The following FAM107A variants were observed in gnomAD, a reference collection of about 807,000 sequenced individuals.
FAM107A encodes actin-associated protein FAM107A.
A neutral mutation model predicts 13.7 loss-of-function variants in FAM107A; 19 were observed. The observed-to-expected ratio is 1.38, with a 90% CI of 0.97 to 2.03. The LOEUF (loss-of-function observed/expected upper bound fraction) is 2.03, where lower values mean the gene tolerates loss of function less well. FAM107A is among the 30% of genes most tolerant of loss of function. The probability of loss-of-function intolerance (pLI) is 0.00; values close to 1 mark genes in which losing one functional copy is unlikely to be tolerated. For synonymous variants in FAM107A, 82 were observed against 74.5 expected (o/e 1.10, Z -0.52); for missense variants, 203 against 184.4 (o/e 1.10, Z -0.58).
upstream of FAM107A, chr3:58,577,466 GC>G: frequency 1.0e-6 from 1 of 985,380 alleles, no homozygotes; most frequent in Non-Finnish European, 1.2e-6. The surrounding 1 kb of genome is among the most constrained non-coding windows in gnomAD (Gnocchi z 4.9). Context: ...AAGTGAGACA[GC>G]CTTTGCATTC....
chr3:58,582,600 G>A (rs181643083), upstream of FAM107A, among the ~76,000 whole-genome samples: 3 of 152,284 alleles, frequency 2.0e-5, no homozygotes, highest in Admixed American at 6.5e-5. Flanking sequence ...GTGCCAACCC[G>A]GACCACAATC....
At chr3:58,622,533 T>C (rs1485653785) in intron 1 of FAM107A, among the ~76,000 whole-genome samples, 1 of 152,178 alleles carries the variant, frequency 6.6e-6, no homozygotes, top group Non-Finnish European at 1.5e-5. Context: ...TTCCTTTCCG[T>C]CATCTTCCCT....
At chr3:58,589,145 G>A, upstream of FAM107A, 1 of 1,089,584 alleles carries the variant, frequency 9.2e-7, no homozygotes, top group Non-Finnish European at 1.3e-6. Context: ...ATGTACTTTT[G>A]TGGAGTATCT....
At chr3:58,595,652 C>T (rs1008305768) in intron 1 of FAM107A, among the ~76,000 whole-genome samples, 9 of 152,170 alleles carry the variant, frequency 5.9e-5, no homozygotes, top group African/African-American at 9.7e-5. Flanking sequence ...ACTCTCTTTT[C>T]GGACTCAGCC....
chr3:58,567,492 G>T, intron 2 of FAM107A, 128 bp from the exon 3 acceptor site: 3 of 1,059,578 alleles, frequency 2.8e-6, no homozygotes, highest in Non-Finnish European at 4.0e-6. Flanking sequence ...AGCCTTGGAG[G>T]TGGACCCATT....
At chr3:58,579,819 G>A (rs758776760), upstream of FAM107A, among the ~76,000 whole-genome samples, 10 of 152,168 alleles carry the variant, frequency 6.6e-5, no homozygotes, top group African/African-American at 9.7e-5. Context: ...GATGTTGGGC[G>A]TCATTTTCCG....
chr3:58,586,943 G>C, exon 1 of FAM107A: 6 of 1,526,522 alleles, frequency 3.9e-6, no homozygotes, highest in Non-Finnish European at 5.2e-6. Context: ...CCATGCCCCC[G>C]CGCCTCCTAC....
intron 1 of FAM107A, among the ~76,000 whole-genome samples, chr3:58,596,851 G>A (rs920395529): frequency 1.7e-4 from 26 of 152,130 alleles, no homozygotes; most frequent in African/African-American, 5.8e-4. Context: ...CTGCACCCCA[G>A]TCAATACCTA....
intron 1 of FAM107A, among the ~76,000 whole-genome samples, chr3:58,597,543 A>G (rs1006366899): frequency 1.3e-5 from 2 of 152,254 alleles, no homozygotes; most frequent in African/African-American, 4.8e-5. Flanking sequence ...CACTATGAGA[A>G]TAGGAATTGT....
At chr3:58,583,907 C>T (rs2065575716) in intron 1 of FAM107A, among the ~76,000 whole-genome samples, 1 of 152,132 alleles carries the variant, frequency 6.6e-6, no homozygotes, top group Non-Finnish European at 1.5e-5. Flanking sequence ...GTCTTGAACT[C>T]CCGGCCTCAA....
upstream of FAM107A, among the ~76,000 whole-genome samples, chr3:58,587,523 C>A (rs2065621386): frequency 6.8e-6 from 1 of 147,130 alleles, no homozygotes; most frequent in South Asian, 2.1e-4. Context: ...GTGTGTGGCC[C>A]AGAACAGAGG....
chr3:58,600,517 G>T (rs1559483610), intron 1 of FAM107A, among the ~76,000 whole-genome samples: 1 of 152,198 alleles, frequency 6.6e-6, no homozygotes, highest in African/African-American at 2.4e-5. Context: ...AGTGAATTTT[G>T]CTCAGCTCCT....
chr3:58,598,430 C>T (rs1371079965), intron 1 of FAM107A, among the ~76,000 whole-genome samples: 1 of 152,148 alleles, frequency 6.6e-6, no homozygotes, highest in Non-Finnish European at 1.5e-5. Context: ...TCATTCAGCC[C>T]CTTAGGTCTC....
chr3:58,609,812 C>T lies in FAM107A; in HGVS notation c.-70+17604G>A, dbSNP rs75349887. Among the ~76,000 whole-genome samples, 1,438 of 152,328 alleles carry T rather than the reference C, an allele frequency of 9.4e-3. 17 individuals carry two copies. Among genetic ancestry groups the T allele is most frequent in the Admixed American group, 0.02 (309 of 15,308 alleles). ...TGAGGCCATCTGTGACCTCTTCCTACAGCAGGTCTTGTACACATGGGTTGG... is the reference window on the plus strand; with the variant it reads ...TGAGGCCATCTGTGACCTCTTCCTATAGCAGGTCTTGTACACATGGGTTGG... On this transcript the variant is annotated intron_variant, in intron 1 of 3. Coordinates refer to the FAM107A transcript ENST00000465970.
At chr3:58,611,611 C>T (rs1383106192) in intron 1 of FAM107A, among the ~76,000 whole-genome samples, 3 of 152,240 alleles carry the variant, frequency 2.0e-5, no homozygotes, top group Non-Finnish European at 2.9e-5. Flanking sequence ...GGGAACCCCA[C>T]CCACTGCACT....
chr3:58,599,615 T>C (rs538297908), intron 1 of FAM107A, among the ~76,000 whole-genome samples: 1 of 151,696 alleles, frequency 6.6e-6, no homozygotes, highest in Non-Finnish European at 1.5e-5. Context: ...TGATGTTCTG[T>C]TTCTTGATCT....
chr3:58,603,289 A>T (rs988304337), intron 1 of FAM107A, among the ~76,000 whole-genome samples: 4 of 152,188 alleles, frequency 2.6e-5, no homozygotes, highest in African/African-American at 9.7e-5. Context: ...GAAGGAGGAC[A>T]ATGATGTTCG....
chr3:58,578,786 C>T (rs2063750214), upstream of FAM107A, among the ~76,000 whole-genome samples: 1 of 152,180 alleles, frequency 6.6e-6, no homozygotes, highest in Non-Finnish European at 1.5e-5. Context: ...GCCTCCACCC[C>T]AACTTTACTT....
chr3:58,567,282 CCTT>C lies in FAM107A; in HGVS notation c.250_252del (p.Lys84del), dbSNP rs752600757. The C allele has an allele frequency of 4.0e-5, 65 of 1,613,568 alleles. No individual in the cohort carries two copies. Among genetic ancestry groups the C allele is most frequent in the Admixed American group, 2.2e-4 (13 of 59,970 alleles). ...TGCAGCCGCTTGGCTTCCAGCTCCT[CCTT>C]CTTCTTCTTGATGAGCTGGTTCCGC... On this transcript the variant is annotated inframe_deletion, in exon 3 of 4. Coordinates refer to ENST00000360997, the MANE Select transcript of FAM107A (RefSeq NM_001076778.3).
Sources: gnomAD v4.1 joint callset for allele counts (sites outside exome capture counted in the v4.1 genomes callset) on GRCh38, gnomAD v4.1.1 for gene constraint, Gnocchi (gnomAD v3.1) non-coding constraint, MANE v1.5 for transcripts, NCBI Gene and HGNC (gene_info 2026-07-23, HGNC 2026-07-21) for gene names.